Variants in GPC5 observed in about 807,000 individuals in gnomAD.
GPC5 encodes glypican-5.
GPC5 carries 47 observed loss-of-function variants against 53.9 expected under a neutral mutation model. The ratio of observed to expected loss-of-function variants is 0.87; its 90% CI spans 0.69 to 1.11. The LOEUF is 1.11. Ranked by LOEUF, GPC5 falls within the 50% of genes most tolerant of loss-of-function variation. The probability of loss-of-function intolerance (pLI) is 0.00; values close to 1 mark genes in which losing one functional copy is unlikely to be tolerated. For synonymous variants in GPC5, 286 were observed against 263.3 expected (o/e 1.09, Z -0.84); for missense variants, 748 against 713.1 (o/e 1.05, Z -0.56).
At chr13:92,014,407 A>T (rs2040689323) in intron 6 of GPC5, among the ~76,000 whole-genome samples, 1 of 152,118 alleles carries the variant, frequency 6.6e-6, no homozygotes, top group African/African-American at 2.4e-5. Context: ...GTTGGTGTTT[A>T]TGTTAGCCCC....
intron 7 of GPC5, among the ~76,000 whole-genome samples, chr13:92,479,450 G>C (rs1445203616): frequency 6.6e-6 from 1 of 152,182 alleles, no homozygotes; most frequent in Non-Finnish European, 1.5e-5. Context: ...AGTTCATAGA[G>C]GCAGTGAAAA....
At chr13:92,405,602 T>C (rs1331827081) in intron 7 of GPC5, among the ~76,000 whole-genome samples, 1 of 152,014 alleles carries the variant, frequency 6.6e-6, no homozygotes, top group Non-Finnish European at 1.5e-5. Context: ...TTAAAAAGAG[T>C]GAATTCTTTT....
At chr13:91,489,849 G>T (rs1208602463) in intron 2 of GPC5, among the ~76,000 whole-genome samples, 1 of 152,122 alleles carries the variant, frequency 6.6e-6, no homozygotes, top group Non-Finnish European at 1.5e-5. Context: ...TTGTCTCAGA[G>T]TAGGGAAATA....
intron 7 of GPC5, among the ~76,000 whole-genome samples, chr13:92,174,756 AAAAAC>A (rs1398013811): frequency 3.3e-5 from 5 of 152,020 alleles, no homozygotes; most frequent in African/African-American, 1.2e-4. Flanking sequence ...GTGCAGAAGA[AAAAAC>A]AAATAGCGAT....
At position 92,499,228 on chromosome 13, in the gene GPC5, T is replaced by A. The variant is rs188318804; in HGVS notation, c.1561+354239T>A. Among the ~76,000 whole-genome samples, 618 of 152,154 alleles carry A rather than the reference T, an allele frequency of 4.1e-3. 4 individuals are homozygous for A. The highest frequency in any genetic ancestry group is 0.014 in the African/African-American group (577 of 41,524). On this transcript the variant is annotated intron_variant, in intron 7 of 7. Transcript: ENST00000377067. ...TGAGGTGGCTCCAGGGTTCAAACAA[T>A]AGGAAATCTGAGCTTATACTGAGAA...
intron 7 of GPC5, among the ~76,000 whole-genome samples, chr13:92,190,449 G>A (rs1400221158): frequency 1.3e-5 from 2 of 152,070 alleles, no homozygotes; most frequent in African/African-American, 4.8e-5. Flanking sequence ...TTTCTTCGTT[G>A]CAGTAATACA....
chr13:91,884,930 T>C (rs891001093), intron 5 of GPC5, among the ~76,000 whole-genome samples: 14 of 152,202 alleles, frequency 9.2e-5, no homozygotes, highest in Non-Finnish European at 1.8e-4. Flanking sequence ...TACTGACAAG[T>C]CTTACTATCT....
chr13:92,491,053 T>C (rs1460302515), intron 7 of GPC5, among the ~76,000 whole-genome samples: 1 of 152,122 alleles, frequency 6.6e-6, no homozygotes, highest in Non-Finnish European at 1.5e-5. Context: ...ACCAAGTTTC[T>C]GCTTAGTGAC....
chr13:91,739,566 G>A (rs923171859), intron 4 of GPC5, among the ~76,000 whole-genome samples: 13 of 151,236 alleles, frequency 8.6e-5, no homozygotes, highest in African/African-American at 2.5e-4. Flanking sequence ...AAGCTCAAGT[G>A]GGGCTGGAGT....
At chr13:91,566,628 T>C (rs1163890381) in intron 2 of GPC5, among the ~76,000 whole-genome samples, 1 of 152,122 alleles carries the variant, frequency 6.6e-6, no homozygotes, top group African/African-American at 2.4e-5. Context: ...GAATGGCTAG[T>C]ATGTGAGTAT....
chr13:92,700,338 G>A (rs967792667), intron 7 of GPC5, among the ~76,000 whole-genome samples: 3 of 128,944 alleles, frequency 2.3e-5, no homozygotes, highest in African/African-American at 8.9e-5. Flanking sequence ...GTGTGTCTTT[G>A]CACATGAGAT....
intron 7 of GPC5, among the ~76,000 whole-genome samples, chr13:92,724,736 C>A (rs1168838924): frequency 1.3e-5 from 2 of 151,388 alleles, no homozygotes; most frequent in African/African-American, 4.8e-5. Context: ...GGGAATTGTT[C>A]AATGAGCATA....
intron 7 of GPC5, among the ~76,000 whole-genome samples, chr13:92,510,987 T>A (rs1028922599): frequency 6.6e-6 from 1 of 152,160 alleles, no homozygotes; most frequent in Admixed American, 6.5e-5. Flanking sequence ...AGTAGATCAT[T>A]CCCATCATTT....
At chr13:92,569,254 A>T (rs1365947595) in intron 7 of GPC5, among the ~76,000 whole-genome samples, 1 of 151,788 alleles carries the variant, frequency 6.6e-6, no homozygotes, top group Non-Finnish European at 1.5e-5. Context: ...AAAGCAGTTC[A>T]TATGCATTGT....
At chr13:92,507,782 A>G (rs1016289315) in intron 7 of GPC5, among the ~76,000 whole-genome samples, 1 of 152,140 alleles carries the variant, frequency 6.6e-6, no homozygotes, top group Non-Finnish European at 1.5e-5. Context: ...GGAATAAAAT[A>G]TATCCTGCAC....
At chr13:92,780,438 G>C (rs781257672) in intron 7 of GPC5, among the ~76,000 whole-genome samples, 8 of 150,572 alleles carry the variant, frequency 5.3e-5, no homozygotes, top group Admixed American at 2.7e-4. Context: ...TAATATAATT[G>C]CATGGTATTA....
chr13:91,709,621 G>A (rs1289711134), intron 3 of GPC5, among the ~76,000 whole-genome samples: 2 of 152,198 alleles, frequency 1.3e-5, no homozygotes, highest in Non-Finnish European at 2.9e-5. Context: ...GGGTAACTTT[G>A]TAATGTACTC....
rs373098155 is a variant in GPC5 at position 91,789,142 on chromosome 13, G to A, written c.1280+32722G>A. Among the ~76,000 whole-genome samples, 9 of 152,212 alleles carry A rather than the reference G, an allele frequency of 5.9e-5. No individual in the cohort carries two copies. The East Asian group carries it at 1.2e-3, about 20-fold the overall frequency. On this transcript the variant is annotated intron_variant, in intron 5 of 7. Coordinates refer to ENST00000377067, the MANE Select transcript of GPC5 (RefSeq NM_004466.6). The stretch of plus-strand genomic sequence containing the variant: ...GCAGGAGAATCGCTTGAACCCGGGA[G>A]GTGGAGGTTGCAGTGAGCCAAGATC...
At chr13:91,683,800 A>G (rs1055897907) in intron 2 of GPC5, among the ~76,000 whole-genome samples, 1 of 152,184 alleles carries the variant, frequency 6.6e-6, no homozygotes, top group Non-Finnish European at 1.5e-5. Flanking sequence ...ATATGTGAAT[A>G]TTCAGTAAAT....
Sources: gnomAD v4.1 joint callset for allele counts (sites outside exome capture counted in the v4.1 genomes callset) on GRCh38, gnomAD v4.1.1 for gene constraint, MANE v1.5 for transcripts, NCBI Gene and HGNC (gene_info 2026-07-23, HGNC 2026-07-21) for gene names.